The following COG3 variants were observed in gnomAD, a reference collection of about 807,000 sequenced individuals.
The protein encoded by COG3 is conserved oligomeric Golgi complex subunit 3.
Under a neutral mutation model 114.1 loss-of-function variants are expected in COG3, and 32 were observed. The ratio of observed to expected loss-of-function variants is 0.28; its 90% CI spans 0.21 to 0.38. The LOEUF is 0.38. COG3 is among the 10% of genes least tolerant of loss of function. The probability of loss-of-function intolerance (pLI) is 1.00; values close to 1 mark genes in which losing one functional copy is unlikely to be tolerated. For missense variants in COG3, 813 were observed against 973.2 expected (o/e 0.84, Z 2.19); for synonymous variants, 352 against 365.7 (o/e 0.96, Z 0.43).
intron 14 of COG3, among the ~76,000 whole-genome samples, chr13:45,504,060 A>G (rs1422850031): frequency 6.6e-6 from 1 of 152,140 alleles, no homozygotes; most frequent in Non-Finnish European, 1.5e-5. Flanking sequence ...CTAGATGGGA[A>G]GTAAGCCATC....
At chr13:45,514,744 T>C (rs1201147400) in intron 16 of COG3, among the ~76,000 whole-genome samples, 1 of 152,020 alleles carries the variant, frequency 6.6e-6, no homozygotes, top group African/African-American at 2.4e-5. Flanking sequence ...GCCTCCCAGG[T>C]TCACGCCATT....
At chr13:45,481,017 C>T (rs986385650) in intron 4 of COG3, among the ~76,000 whole-genome samples, 7 of 152,066 alleles carry the variant, frequency 4.6e-5, no homozygotes, top group African/African-American at 1.7e-4. Context: ...TTTAAAAATG[C>T]GATCATTTAC....
intron 16 of COG3, among the ~76,000 whole-genome samples, chr13:45,512,807 A>T (rs1871015756): frequency 6.6e-6 from 1 of 152,012 alleles, no homozygotes; most frequent in Non-Finnish European, 1.5e-5. Flanking sequence ...TAGAGACAGG[A>T]TCTCACCATG....
At chr13:45,485,401 CGG>C (rs1296827293) in intron 7 of COG3, among the ~76,000 whole-genome samples, 1 of 752 alleles carries the variant, frequency 1.3e-3, no homozygotes, top group Non-Finnish European at 2.3e-3. Context: ...GCTGGCCGGG[CGG>C]GGGGGCTGAC....
intron 19 of COG3, among the ~76,000 whole-genome samples, chr13:45,519,864 T>C (rs917438798): frequency 1.3e-5 from 2 of 152,214 alleles, no homozygotes; most frequent in African/African-American, 4.8e-5. Context: ...CTAAAATCCA[T>C]TAACTGGCAA....
intron 13 of COG3, among the ~76,000 whole-genome samples, chr13:45,499,079 C>T (rs563161466): frequency 3.9e-5 from 6 of 152,126 alleles, no homozygotes; most frequent in African/African-American, 1.4e-4. Context: ...TGGTGGATTA[C>T]TTCTAGCCCT....
intron 20 of COG3, among the ~76,000 whole-genome samples, chr13:45,526,299 T>A (rs1320650597): frequency 2.0e-5 from 3 of 151,846 alleles, no homozygotes; most frequent in African/African-American, 4.8e-5. Flanking sequence ...TTGGCCAGGC[T>A]GGTCTCAAAC....
intron 2 of COG3, among the ~76,000 whole-genome samples, chr13:45,478,340 C>T (rs1209741818): frequency 2.0e-5 from 3 of 150,222 alleles, no homozygotes; most frequent in Non-Finnish European, 3.0e-5. Flanking sequence ...TACAGGCGCC[C>T]GGCTTATTTT....
chr13:45,526,046 T>C (rs1872649230), intron 20 of COG3, among the ~76,000 whole-genome samples: 1 of 150,256 alleles, frequency 6.7e-6, no homozygotes, highest in African/African-American at 2.4e-5. Context: ...GGAAAAAGGA[T>C]TGAAGCTATT....
intron 13 of COG3, among the ~76,000 whole-genome samples, chr13:45,500,053 T>TGA (rs1425987262): frequency 1.1e-4 from 6 of 52,758 alleles, no homozygotes; most frequent in Admixed American, 3.0e-4. Flanking sequence ...TGTGTGTGTG[T>TGA]GTGTGTGTGT....
intron 20 of COG3, among the ~76,000 whole-genome samples, chr13:45,526,570 G>A (rs568212990): frequency 6.6e-6 from 1 of 152,294 alleles, no homozygotes; most frequent in Non-Finnish European, 1.5e-5. Flanking sequence ...ATAGGTTTGA[G>A]TTCATTTGTT....
At chr13:45,515,642 A>G (rs575003086) in intron 16 of COG3, among the ~76,000 whole-genome samples, 233 of 152,318 alleles carry the variant, frequency 1.5e-3, no homozygotes, top group Non-Finnish European at 2.9e-3. Flanking sequence ...GGAGGATCCA[A>G]AATGGCAACC....
chr13:45,489,506 G>T (rs577475359), intron 8 of COG3, among the ~76,000 whole-genome samples: 175 of 152,136 alleles, frequency 1.2e-3, no homozygotes, highest in Admixed American at 3.3e-3. Context: ...AGATAAGAGG[G>T]CTCAGTGTGG....
rs59075597 is a variant in COG3 at position 45,521,802 on chromosome 13, CT to C, written c.2154+2728del. 3.0e-3 allele frequency among the ~76,000 whole-genome samples: 336 copies of C among 111,330 alleles called. 2 individuals are homozygous for C. The highest frequency in any genetic ancestry group is 9.2e-3 in the African/African-American group (280 of 30,448). 73.0% of individuals were successfully genotyped at this position (111,330 alleles called of 152,430 possible). ...TCTCATGCCTCTTTTATTTAGTTAG[CT>C]TTTTTTTTTTTTTTTTTTTGAGACA... On this transcript the variant is annotated intron_variant, in intron 19 of 22. Coordinates refer to ENST00000349995, the MANE Select transcript of COG3 (RefSeq NM_031431.4).
rs972350621 is a variant in COG3, at chr13:45,495,305, A to G, written c.1328-847A>G. On this transcript the variant is annotated intron_variant, in intron 12 of 22. Transcript: ENST00000349995. ...GCCTCGCCTAATGTGATTATGTGTT[A>G]TCTTTAACCCCCTGTCTTTTGGAAA... Among the ~76,000 whole-genome samples the G allele has an allele frequency of 4.0e-5, 6 of 151,772 alleles. 1 individual carries two copies. Among genetic ancestry groups the G allele is most frequent in the East Asian group, 1.9e-4 (1 of 5,158 alleles).
intron 13 of COG3, among the ~76,000 whole-genome samples, chr13:45,501,717 A>G (rs1869559620): frequency 6.6e-6 from 1 of 152,200 alleles, no homozygotes; most frequent in Admixed American, 6.5e-5. Context: ...AGGTGCTGGC[A>G]TAGAAATATG....
intron 13 of COG3, among the ~76,000 whole-genome samples, chr13:45,500,040 A>ATGTGTG (rs1273258218): frequency 2.2e-5 from 3 of 136,788 alleles, no homozygotes; most frequent in Admixed American, 1.5e-4. Flanking sequence ...ATATATATGT[A>ATGTGTG]TGTGTGTGTG....
chr13:45,483,270 A>G lies in COG3; in HGVS notation c.758A>G (p.Lys253Arg). 1 of 1,580,070 alleles carries G rather than the reference A, an allele frequency of 6.3e-7. No homozygotes were observed. The highest frequency in any genetic ancestry group is 8.7e-7 in the Non-Finnish European group (1 of 1,149,560). Residue 253 changes from lysine (K) to arginine (R), a missense_variant, in exon 7 of 23, where the codon AAA becomes AGA. Lys to Arg is a conservative substitution (Grantham distance 26, BLOSUM62 2). Transcript: ENST00000349995. ...KDYPIYLLKFKQCLSKALHLM... is the reference protein window; with the variant it reads ...KDYPIYLLKFRQCLSKALHLM... ...TATCCCATATATTTGCTGAAGTTTA[A>G]ACAGTGTCTTTCTAAAGCTTTGCAC...
intron 13 of COG3, among the ~76,000 whole-genome samples, chr13:45,496,566 C>G (rs1386920142): frequency 2.0e-5 from 3 of 151,734 alleles, no homozygotes; most frequent in Admixed American, 6.6e-5. Context: ...TTAATTCTTC[C>G]TCAAAATGTA....
Sources: gnomAD v4.1 joint callset for allele counts (sites outside exome capture counted in the v4.1 genomes callset) on GRCh38, gnomAD v4.1.1 for gene constraint, MANE v1.5 for transcripts, NCBI Gene and HGNC (gene_info 2026-07-23, HGNC 2026-07-21) for gene names.